Variants in BCAS1 observed in about 807,000 individuals in gnomAD.
BCAS1 encodes brain enriched myelin associated protein 1.
A neutral mutation model predicts 65.4 loss-of-function variants in BCAS1; 46 were observed. That is an observed-to-expected ratio of 0.70 (90% CI 0.55 to 0.90). BCAS1 has a LOEUF of 0.90. BCAS1 is among the 40% of genes least tolerant of loss of function. The probability of loss-of-function intolerance (pLI) is 0.00; values close to 1 mark genes in which losing one functional copy is unlikely to be tolerated. For missense variants in BCAS1, 793 were observed against 771.2 expected (o/e 1.03, Z -0.33); for synonymous variants, 298 against 293.5 (o/e 1.02, Z -0.16).
At chr20:54,004,727 T>TA (rs1487302691) in intron 4 of BCAS1, among the ~76,000 whole-genome samples, 1 of 152,180 alleles carries the variant, frequency 6.6e-6, no homozygotes, top group East Asian at 1.9e-4. Context: ...AAGTTATGCT[T>TA]TCACTGTGTA....
rs2089734731 is a variant in BCAS1, at chr20:53,957,444, G to A, written c.1539C>T (p.Asp513=). The A allele has an allele frequency of 5.0e-6, 8 of 1,614,034 alleles. No homozygotes were observed. The highest frequency in any genetic ancestry group is 1.7e-5 in the Admixed American group (1 of 60,026). Residue 513 remains aspartate (D), a synonymous_variant, in exon 11 of 13, where the codon GAC becomes GAT. Transcript: ENST00000688948. ...CGAGGTCACTTACTTGGCAGCTGGA[G>A]TCTTTCCCATTTATTTCTTCTGAGT... ...ITHSEEINGK[D]SSCQTSDSTE...
chr20:53,961,360 G>A (rs1475283393), intron 10 of BCAS1, among the ~76,000 whole-genome samples: 4 of 152,182 alleles, frequency 2.6e-5, no homozygotes, highest in Non-Finnish European at 5.9e-5. Flanking sequence ...CCAGTCTCAT[G>A]AAAACAAATC....
At chr20:53,977,519 T>C (rs1305617511) in intron 8 of BCAS1, among the ~76,000 whole-genome samples, 1 of 152,228 alleles carries the variant, frequency 6.6e-6, no homozygotes, top group African/African-American at 2.4e-5. Flanking sequence ...TCCCAGTTTA[T>C]TGCAACAAGA....
At position 54,028,746 on chromosome 20, in the gene BCAS1, G is replaced by A. The variant is rs2091734613; in HGVS notation, c.369C>T (p.Val123=). Residue 123 remains valine, a synonymous_variant, in exon 4 of 13, where the codon GTC becomes GTT. Transcript: ENST00000688948. Reference sequence around the variant, plus strand: ...TGTTCGCTGGAGCTTTATTGGAGCTGACATCAAGCTTCACTGATCCAAGGG... The same window carrying A: ...TGTTCGCTGGAGCTTTATTGGAGCTAACATCAAGCTTCACTGATCCAAGGG... ...DSSLGSVKLD[V]SSNKAPANKD... is the part of the protein sequence containing the mutation. 6.2e-7 allele frequency: 1 copy of A among 1,614,222 alleles called. No homozygotes were observed. The highest frequency in any genetic ancestry group is 1.3e-5 in the African/African-American group (1 of 75,060).
At chr20:54,044,562 G>C (rs62215574) in intron 3 of BCAS1, among the ~76,000 whole-genome samples, 1 of 152,174 alleles carries the variant, frequency 6.6e-6, no homozygotes, top group East Asian at 1.9e-4. Flanking sequence ...TTCCGGCCGG[G>C]CGCGGTGGCT....
At chr20:54,014,005 T>C (rs1239940302) in intron 4 of BCAS1, among the ~76,000 whole-genome samples, 1 of 152,172 alleles carries the variant, frequency 6.6e-6, no homozygotes, top group African/African-American at 2.4e-5. Context: ...CGTATTAAAA[T>C]TAAGACTAAA....
At chr20:54,059,026 C>G (rs1018770766) in intron 1 of BCAS1, among the ~76,000 whole-genome samples, 4 of 152,130 alleles carry the variant, frequency 2.6e-5, no homozygotes, top group African/African-American at 9.7e-5. Context: ...TGAGTGCGAG[C>G]TGGGGAAATG....
chr20:54,040,790 A>G (rs2091976551), intron 3 of BCAS1, among the ~76,000 whole-genome samples: 1 of 151,310 alleles, frequency 6.6e-6, no homozygotes, highest in Non-Finnish European at 1.5e-5. Flanking sequence ...CAGTTCCTGG[A>G]AAAGTTAAAC....
chr20:53,967,988 T>C (rs1379942337), intron 9 of BCAS1, among the ~76,000 whole-genome samples: 1 of 152,224 alleles, frequency 6.6e-6, no homozygotes, highest in African/African-American at 2.4e-5. Flanking sequence ...ACTGTTTCTG[T>C]GTGGCTCCTG....
intron 8 of BCAS1, among the ~76,000 whole-genome samples, chr20:53,979,876 GA>G (rs1210066254): frequency 6.6e-6 from 1 of 152,150 alleles, no homozygotes; most frequent in Non-Finnish European, 1.5e-5. Flanking sequence ...ATGTTGGGAA[GA>G]AATGACACTG....
At chr20:54,006,571 G>C (rs545932355) in intron 4 of BCAS1, among the ~76,000 whole-genome samples, 1 of 152,064 alleles carries the variant, frequency 6.6e-6, no homozygotes, top group African/African-American at 2.4e-5. Flanking sequence ...TTAGCTAGGC[G>C]TGGTGGTGCA....
intron 10 of BCAS1, among the ~76,000 whole-genome samples, chr20:53,966,595 T>C (rs2090034094): frequency 6.6e-6 from 1 of 152,136 alleles, no homozygotes; most frequent in Non-Finnish European, 1.5e-5. Flanking sequence ...ATCCATGTAA[T>C]CTCAAATCAC....
chr20:54,066,077 CT>C (rs11372357), intron 1 of BCAS1, among the ~76,000 whole-genome samples: 135 of 116,456 alleles, frequency 1.2e-3, no homozygotes, highest in Admixed American at 1.3e-3. Context: ...TATTTTTTTT[CT>C]TTTTTTTTTT....
chr20:54,028,365 C>T (rs2091722456), intron 4 of BCAS1, 27 bp downstream of exon 4: 1 of 1,613,188 alleles, frequency 6.2e-7, no homozygotes, highest in Non-Finnish European at 8.5e-7. Context: ...CATTCAGAAC[C>T]AAGTGGATAC....
intron 4 of BCAS1, among the ~76,000 whole-genome samples, chr20:54,002,061 G>T (rs2145893423): frequency 6.6e-6 from 1 of 150,952 alleles, no homozygotes; most frequent in South Asian, 2.1e-4. Context: ...TCCCCCTTCA[G>T]TCTTTGCTAG....
intron 3 of BCAS1, among the ~76,000 whole-genome samples, chr20:54,030,369 G>A (rs1052575754): frequency 3.3e-5 from 5 of 152,220 alleles, no homozygotes; most frequent in Non-Finnish European, 5.9e-5. Flanking sequence ...GAAAAGTCAT[G>A]CAAAGGATCT....
intron 3 of BCAS1, among the ~76,000 whole-genome samples, chr20:54,045,921 A>AG (rs746128981): frequency 1.3e-5 from 2 of 152,242 alleles, no homozygotes; most frequent in Non-Finnish European, 2.9e-5. Flanking sequence ...TAGAACAAAG[A>AG]GAAAAATATG....
At chr20:54,011,735 T>C (rs1432695368) in intron 4 of BCAS1, among the ~76,000 whole-genome samples, 1 of 152,190 alleles carries the variant, frequency 6.6e-6, no homozygotes, top group African/African-American at 2.4e-5. Context: ...CAGGGCGTGG[T>C]GGCAAGTGTC....
chr20:54,058,203 A>G, intron 2 of BCAS1, 49 bp from the exon 3 acceptor site: 1 of 1,523,366 alleles, frequency 6.6e-7, no homozygotes. Context: ...GGGGAAAATC[A>G]GAAGAACTCA....
Sources: allele counts gnomAD v4.1 joint callset (sites outside exome capture counted in the v4.1 genomes callset), GRCh38; gene constraint gnomAD v4.1.1; transcripts MANE v1.5; gene names NCBI Gene and HGNC (gene_info 2026-07-23, HGNC 2026-07-21).